The following ZNF518B variants were observed in gnomAD, a reference collection of about 807,000 sequenced individuals.
ZNF518B encodes the protein zinc finger protein 518B.
In ZNF518B, 23 loss-of-function variants were observed where a neutral mutation model predicts 56.3. The observed-to-expected ratio is 0.41, with a 90% CI of 0.29 to 0.58. The LOEUF is 0.58. Ranked by LOEUF, ZNF518B falls within the 20% of genes least tolerant of loss-of-function variation. ZNF518B has a pLI of 0.32. For synonymous variants in ZNF518B, 529 were observed against 465.9 expected, an observed-to-expected ratio of 1.14 and a Z score of -1.74; for missense variants, 1,460 against 1,272.1, an observed-to-expected ratio of 1.15 and a Z score of -2.25.
chr4:10,453,630 A>T (rs1421062674), intron 2 of ZNF518B: 1 of 152,228 alleles, frequency 6.6e-6, no homozygotes, highest in Non-Finnish European at 1.5e-5. Context: ...TGGTAAAAAT[A>T]AGGTAGTATC....
chr4:10,442,888 C>A lies in ZNF518B; in HGVS notation c.*216G>T, dbSNP rs1385620388. ...CTCTCTCCAGAAAAATGCATATGTACCAATTTGCATGTACAATTTCAGAGC... is the reference window on the plus strand; with the variant it reads ...CTCTCTCCAGAAAAATGCATATGTAACAATTTGCATGTACAATTTCAGAGC... On this transcript the variant is annotated 3_prime_UTR_variant, in exon 3 of 3. Transcript: ENST00000326756. The A allele has an allele frequency of 1.8e-5, 9 of 511,232 alleles. No individual in the cohort carries two copies. Among genetic ancestry groups the A allele is most frequent in the Admixed American group, 3.5e-5 (1 of 28,376 alleles). The allele number at this position is 511,232 out of a possible 1,614,324, so 31.7% of individuals were successfully genotyped here.
chr4:10,457,711 G>C (rs189206645), upstream of ZNF518B, among the ~76,000 whole-genome samples: 152 of 152,342 alleles, frequency 1.0e-3, 2 homozygotes, highest in East Asian at 0.02. Flanking sequence ...ACCGGGTCCC[G>C]CGGAGGGCGG....
chr4:10,444,665 G>C lies in ZNF518B; in HGVS notation c.1664C>G (p.Ser555Cys), dbSNP rs369101833. Residue 555 changes from serine to cysteine, a missense_variant, in exon 3 of 3, where the codon TCT (serine) becomes TGT (cysteine). Transcript: ENST00000326756. The stretch of plus-strand genomic sequence containing the variant: ...TACAGGAATATTGACTTTACTTGTA[G>C]ATTCCAAGTCATTTTCACTTACAGG... ...LLPVSENDLE[S>C]TSKVNIPVKV... 2.8e-5 allele frequency: 45 copies of C among 1,614,048 alleles called. No homozygotes were observed. The highest frequency in any genetic ancestry group is 4.0e-5 in the African/African-American group (3 of 74,926).
chr4:10,451,835 G>A (rs894886360), intron 2 of ZNF518B: 11 of 152,150 alleles, frequency 7.2e-5, no homozygotes, highest in East Asian at 3.9e-4. Flanking sequence ...AACTAGTTAC[G>A]AAACTACCTT....
upstream of ZNF518B, among the ~76,000 whole-genome samples, chr4:10,458,296 C>T (rs1208356121): frequency 6.6e-6 from 1 of 152,024 alleles, no homozygotes; most frequent in Non-Finnish European, 1.5e-5. Context: ...CTGGGAAGTA[C>T]AGTTTCTTCG....
Position 10,443,735 on chromosome 4 carries a change from T to C in ZNF518B, c.2594A>G (p.Tyr865Cys), listed in dbSNP as rs751589993. ...TAATTCACTGCTTCCTTGCTGTCCA[T>C]ACAAGAGGCCAGTTTTTCTATGGAT... ...STIHRKTGLL[Y>C]GQQGSSELNK... The change falls in exon 3 of 3, where the codon TAT (tyrosine) becomes TGT (cysteine). Residue 865 changes from tyrosine to cysteine, a missense_variant. By Grantham distance (194) the Tyr-to-Cys change is radical (BLOSUM62 -2). Coordinates refer to ENST00000326756, the MANE Select transcript of ZNF518B (RefSeq NM_053042.3). The C allele has an allele frequency of 5.6e-6, 9 of 1,614,214 alleles. No homozygotes were observed. The highest frequency in any genetic ancestry group is 4.4e-5 in the South Asian group (4 of 91,080).
In ZNF518B at chr4:10,444,747, G is replaced by A. The variant is rs1714904298; in HGVS notation, c.1582C>T (p.Leu528Phe). The change falls in exon 3 of 3, where the codon CTC (leucine) becomes TTC (phenylalanine). Residue 528 changes from leucine to phenylalanine, a missense_variant. Transcript: ENST00000326756. ...RNLHSSSQQL[L>F]PFAASPATCS... ...GTTGCAGGTGATGCAGCAAATGGGA[G>A]TAACTGCTGTGAGCTACTGTGTAAA... The A allele has an allele frequency of 1.9e-6, 3 of 1,613,966 alleles. No individual in the cohort carries two copies. The highest frequency in any genetic ancestry group is 2.5e-6 in the Non-Finnish European group (3 of 1,179,886).
rs1714754687 is a variant in ZNF518B at position 10,443,097 on chromosome 4, T to C, written c.*7A>G. 6.2e-7 allele frequency: 1 copy of C among 1,605,050 alleles called. No homozygotes were observed. On this transcript the variant is annotated 3_prime_UTR_variant, in exon 3 of 3. Transcript: ENST00000326756. Reference sequence around the variant, plus strand: ...AAGATAACTTGCTTTAAAGAGTAACTGTTTACTTATTTGCCCTTGGAGGAA... The same window carrying C: ...AAGATAACTTGCTTTAAAGAGTAACCGTTTACTTATTTGCCCTTGGAGGAA...
upstream of ZNF518B, chr4:10,457,442 G>C (rs1289532745): frequency 6.6e-6 from 1 of 152,184 alleles, no homozygotes; most frequent in Non-Finnish European, 1.5e-5. Flanking sequence ...AGCCCCGCGC[G>C]TGCGCAATGT....
At position 10,445,768 on chromosome 4, in the gene ZNF518B, T is replaced by A. The variant is rs756261032; in HGVS notation, c.561A>T (p.Ile187=). The change falls in exon 3 of 3, where the codon ATA becomes ATT. Residue 187 remains isoleucine, a synonymous_variant. Coordinates refer to ENST00000326756, the MANE Select transcript of ZNF518B (RefSeq NM_053042.3). The stretch of plus-strand genomic sequence containing the variant: ...CACAATACTCACACTGATAAGGAAA[T>A]ATGCCTGTGTGTTTCACCAAATGCC... ...FQRHLVKHTG[I]FPYQCEYCDY... 1.9e-6 allele frequency: 3 copies of A among 1,614,094 alleles called. No individual in the cohort carries two copies. The African/African-American group carries it at 4.0e-5, about 22-fold the overall frequency.
In ZNF518B at chr4:10,442,953, T is replaced by TCAGA; in HGVS notation, c.*147_*150dup. ...TGGGGTCCAATCACATACTTCAGGT[T>TCAGA]CAGACTCCTAGCTCCCAATATTCCT... On this transcript the variant is annotated 3_prime_UTR_variant, in exon 3 of 3. Coordinates refer to ENST00000326756, the MANE Select transcript of ZNF518B (RefSeq NM_053042.3). The TCAGA allele has an allele frequency of 1.4e-6, 1 of 696,662 alleles. No individual in the cohort carries two copies. The highest frequency in any genetic ancestry group is 2.7e-5 in the East Asian group (1 of 36,680). The allele number at this position is 696,662 out of a possible 1,614,324, so 43.2% of individuals were successfully genotyped here.
rs1371520379 is a variant in ZNF518B, at chr4:10,445,110, T to A, written c.1219A>T (p.Thr407Ser). The A allele has an allele frequency of 2.5e-6, 4 of 1,614,070 alleles. No individual in the cohort carries two copies. The highest frequency in any genetic ancestry group is 3.4e-6 in the Non-Finnish European group (4 of 1,180,022). ...AGTTTTCCAACATTCCCGTCAACTG[T>A]CAGTGACTTTGTTTTTTCTGCAGAA... ...VLSAEKTKSL[T>S]VDGNVGKLVG... is the part of the protein sequence containing the mutation. Residue 407 changes from threonine to serine, a missense_variant, in exon 3 of 3, where the codon ACA becomes TCA. Physicochemically the swap from Thr to Ser is moderately conservative, Grantham distance 58. Coordinates refer to ENST00000326756, the MANE Select transcript of ZNF518B (RefSeq NM_053042.3).
At position 10,441,921 on chromosome 4, in the gene ZNF518B, C is replaced by T. The variant is rs1714700009; in HGVS notation, c.*1183G>A. The T allele has an allele frequency of 6.6e-6, 1 of 152,158 alleles. No individual in the cohort carries two copies. Among genetic ancestry groups the T allele is most frequent in the Non-Finnish European group, 1.5e-5 (1 of 68,026 alleles). 9.4% of individuals were successfully genotyped at this position (152,158 alleles called of 1,614,324 possible). The stretch of plus-strand genomic sequence containing the variant: ...ATCAATGAAAACTAGGGATCGTGTT[C>T]CTGTAACTTTAGCAAAAACAGTGGG... On this transcript the variant is annotated 3_prime_UTR_variant, in exon 3 of 3. Coordinates refer to ENST00000326756, the MANE Select transcript of ZNF518B (RefSeq NM_053042.3).
chr4:10,448,750 G>C (rs1378298762), intron 2 of ZNF518B, among the ~76,000 whole-genome samples: 1 of 152,102 alleles, frequency 6.6e-6, no homozygotes, highest in Non-Finnish European at 1.5e-5. Flanking sequence ...AATGCCTCAA[G>C]CTGGCAAACA....
Position 10,445,960 on chromosome 4 carries a change from G to A in ZNF518B, c.369C>T (p.Ser123=), listed in dbSNP as rs779350978. ...GCTTAAAGTTCCTTACCTTAAATTT[G>A]CTATTGACAGAACTTGAGAAGTTTT... ...KTENFSSSVN[S]KFKVRNFKPG... Residue 123 remains serine, a synonymous_variant, in exon 3 of 3, where the codon AGC becomes AGT. Transcript: ENST00000326756. 108 of 1,614,006 alleles carry A rather than the reference G, an allele frequency of 6.7e-5. No individual in the cohort carries two copies. Among genetic ancestry groups the A allele is most frequent in the Non-Finnish European group, 8.6e-5 (101 of 1,180,042 alleles).
chr4:10,442,101 A>C lies in ZNF518B; in HGVS notation c.*1003T>G, dbSNP rs1460855520. On this transcript the variant is annotated 3_prime_UTR_variant, in exon 3 of 3. Transcript: ENST00000326756. ...TCAGAAGAAATGGCAAAGGGAGTCTAGTGTCCATGAATCAAAGGGATCAAG... is the reference window on the plus strand; with the variant it reads ...TCAGAAGAAATGGCAAAGGGAGTCTCGTGTCCATGAATCAAAGGGATCAAG... The C allele has an allele frequency of 6.6e-6, 1 of 152,270 alleles. No individual in the cohort carries two copies. Among genetic ancestry groups the C allele is most frequent in the African/African-American group, 2.4e-5 (1 of 41,460 alleles). 9.4% of individuals were successfully genotyped at this position (152,270 alleles called of 1,614,324 possible). A position where few individuals can be genotyped will look rare whatever the true frequency, so the allele number is the denominator to read the frequency against.
rs767222420 is a variant in ZNF518B, at chr4:10,444,263, C to T, written c.2066G>A (p.Arg689His). ...PSSLASNSAH[R>H]RSVGQASKGT... ...CTTTGATGCCTGCCCTACAGAGCGA[C>T]GATGTGCACTATTTGAAGCCAAAGA... is the stretch of plus-strand genomic sequence containing the variant. The change falls in exon 3 of 3, where the codon CGT becomes CAT. Residue 689 changes from arginine to histidine, a missense_variant. By Grantham distance (29) the Arg-to-His change is conservative. Coordinates refer to ENST00000326756, the MANE Select transcript of ZNF518B (RefSeq NM_053042.3). 1.3e-5 allele frequency: 21 copies of T among 1,614,060 alleles called. No individual in the cohort carries two copies. The highest frequency in any genetic ancestry group is 5.0e-5 in the Admixed American group (3 of 60,004).
chr4:10,454,566 T>A (rs1715452919), intron 2 of ZNF518B: 2 of 152,144 alleles, frequency 1.3e-5, no homozygotes, highest in Non-Finnish European at 2.9e-5. Flanking sequence ...ATGGAAAGAG[T>A]GCCTGCATGA....
chr4:10,460,310 A>AAAAAAAAT (rs1715701788), upstream of ZNF518B, among the ~76,000 whole-genome samples: 1 of 92,284 alleles, frequency 1.1e-5, no homozygotes, highest in Non-Finnish European at 1.8e-5. Context: ...GTCTCAAAAA[A>AAAAAAAAT]AAAAAAAAAA....
Sources: allele counts gnomAD v4.1 joint callset (sites outside exome capture counted in the v4.1 genomes callset), GRCh38; gene constraint gnomAD v4.1.1; transcripts MANE v1.5; gene names NCBI Gene and HGNC (gene_info 2026-07-23, HGNC 2026-07-21).